Variants in AFAP1 observed in about 807,000 individuals in gnomAD.
AFAP1 encodes the protein actin filament-associated protein 1.
In AFAP1, 75 loss-of-function variants were observed where a neutral mutation model predicts 93.9. The ratio of observed to expected loss-of-function variants is 0.80; its 90% confidence interval spans 0.66 to 0.97. AFAP1 has a LOEUF of 0.97. Ranked by LOEUF, AFAP1 falls within the 50% of genes least tolerant of loss-of-function variation. The pLI is 0.00. For synonymous variants in AFAP1, 517 were observed against 430.7 expected (o/e 1.20, Z -2.48); for missense variants, 1,201 against 1,050.8 (o/e 1.14, Z -1.98).
intron 6 of AFAP1, among the ~76,000 whole-genome samples, chr4:7,824,799 AG>A (rs914528275): frequency 1.3e-5 from 2 of 152,102 alleles, no homozygotes; most frequent in Admixed American, 1.3e-4. Flanking sequence ...ATGGGCACTG[AG>A]GGAATGGGAG....
rs758070529 is a variant in AFAP1 at position 7,870,121 on chromosome 4, C to T, written c.128-1402G>A. 2.6e-5 allele frequency among the ~76,000 whole-genome samples: 4 copies of T among 152,324 alleles called. No homozygotes were observed. In the South Asian group the frequency reaches 8.3e-4, roughly 32 times the overall value. On this transcript the variant is annotated intron_variant, in intron 2 of 17. Coordinates refer to ENST00000420658, the MANE Select transcript of AFAP1 (RefSeq NM_001134647.2). ...ACAACATCCCATGAGGTCAATACTA[C>T]CATTAGCCCTTTTTATACACGGAGG...
intron 11 of AFAP1, chr4:7,788,869 C>A (rs1717568050): frequency 6.6e-6 from 1 of 152,336 alleles, no homozygotes. Flanking sequence ...CACGGGCTTG[C>A]ATCTTCAGTT....
At chr4:7,864,591 G>A (rs1403964512) in intron 3 of AFAP1, among the ~76,000 whole-genome samples, 1 of 152,154 alleles carries the variant, frequency 6.6e-6, no homozygotes, top group African/African-American at 2.4e-5. Flanking sequence ...AAAATACCCT[G>A]AAATCCCTAA....
chr4:7,801,926 A>C (rs1424591710), intron 9 of AFAP1, among the ~76,000 whole-genome samples: 6 of 150,888 alleles, frequency 4.0e-5, no homozygotes, highest in Admixed American at 2.0e-4. Flanking sequence ...AAAAAAAAAA[A>C]AAAAAAAAAA....
At chr4:7,875,847 G>T (rs150393454) in intron 1 of AFAP1, among the ~76,000 whole-genome samples, 1 of 152,200 alleles carries the variant, frequency 6.6e-6, no homozygotes, top group African/African-American at 2.4e-5. Flanking sequence ...AATATTACGA[G>T]TCTACTTATA....
In AFAP1 at chr4:7,928,605, C is replaced by A. The variant is rs186365556; in HGVS notation, c.-3+11051G>T. 1.4e-3 allele frequency among the ~76,000 whole-genome samples: 218 copies of A among 152,314 alleles called. 1 individual carries two copies. Among genetic ancestry groups the A allele is most frequent in the African/African-American group, 5.1e-3 (212 of 41,566 alleles). On this transcript the variant is annotated intron_variant, in intron 1 of 17. Transcript: ENST00000420658. ...GTTTCACCATATTGGCCAGGCTGGT[C>A]TCAAACTCCTGACCTCATGATTCGC... is the stretch of plus-strand genomic sequence containing the variant.
intron 9 of AFAP1, among the ~76,000 whole-genome samples, chr4:7,807,778 A>G (rs2149046467): frequency 6.6e-6 from 1 of 152,326 alleles, no homozygotes; most frequent in South Asian, 2.1e-4. Context: ...ACACTGTGAA[A>G]GCTGCCGAGG....
chr4:7,923,531 T>C (rs2149238831), intron 1 of AFAP1, among the ~76,000 whole-genome samples: 1 of 152,248 alleles, frequency 6.6e-6, no homozygotes, highest in Admixed American at 6.5e-5. Flanking sequence ...CAGGCTGGAG[T>C]ACAGTGGCAC....
At chr4:7,863,075 G>A (rs1458583833) in intron 3 of AFAP1, among the ~76,000 whole-genome samples, 2 of 152,170 alleles carry the variant, frequency 1.3e-5, no homozygotes, top group Non-Finnish European at 2.9e-5. Flanking sequence ...CAAACGAAAT[G>A]CAATCAGTCT....
intron 1 of AFAP1, among the ~76,000 whole-genome samples, chr4:7,903,969 A>T (rs1719259418): frequency 6.7e-6 from 1 of 148,938 alleles, no homozygotes; most frequent in African/African-American, 2.5e-5. Context: ...TTTTCCAGAG[A>T]GTTTTTAAAA....
chr4:7,829,330 A>G (rs1414109020), intron 6 of AFAP1, among the ~76,000 whole-genome samples: 1 of 152,162 alleles, frequency 6.6e-6, no homozygotes, highest in East Asian at 1.9e-4. Context: ...ATCAAGTAAA[A>G]CTTTATTCAA....
chr4:7,890,832 C>T (rs1490885742), intron 1 of AFAP1, among the ~76,000 whole-genome samples: 2 of 152,212 alleles, frequency 1.3e-5, no homozygotes, highest in Admixed American at 1.3e-4. Flanking sequence ...AATCCTCCCA[C>T]TTTCCCGGTG....
intron 1 of AFAP1, among the ~76,000 whole-genome samples, chr4:7,901,362 G>T (rs1719107987): frequency 6.6e-6 from 1 of 152,204 alleles, no homozygotes; most frequent in Admixed American, 6.5e-5. Context: ...TTCCACCGAA[G>T]ATTAAAATAT....
At position 7,760,813 on chromosome 4, in the gene AFAP1, C is replaced by CACCTGACCTGTCCT. The variant is rs1426613419; in HGVS notation, c.*2938_*2951dup. The CACCTGACCTGTCCT allele has an allele frequency of 6.6e-6, 1 of 152,334 alleles. No homozygotes were observed. The highest frequency in any genetic ancestry group is 1.5e-5 in the Non-Finnish European group (1 of 68,088). 9.4% of individuals were successfully genotyped at this position (152,334 alleles called of 1,614,324 possible). Reference sequence around the variant, plus strand: ...TGAGCCCCGCAGGGGTCGGCCCCCTCACCTGACCTGTCCTCCGGCCAGCTC... The same window carrying CACCTGACCTGTCCT: ...TGAGCCCCGCAGGGGTCGGCCCCCTCACCTGACCTGTCCTACCTGACCTGTCCTCCGGCCAGCTC... On this transcript the variant is annotated 3_prime_UTR_variant, in exon 18 of 18. Transcript: ENST00000420658.
chr4:7,915,175 G>A (rs940222597), intron 1 of AFAP1, among the ~76,000 whole-genome samples: 11 of 152,166 alleles, frequency 7.2e-5, no homozygotes, highest in South Asian at 2.1e-4. Flanking sequence ...GCGCCCCCGC[G>A]CCCAGCCAGC....
At chr4:7,870,428 G>T (rs991978425) in intron 2 of AFAP1, among the ~76,000 whole-genome samples, 1 of 152,178 alleles carries the variant, frequency 6.6e-6, no homozygotes, top group Non-Finnish European at 1.5e-5. Flanking sequence ...TGGAGGCCGA[G>T]GCAGGCAGAC....
At chr4:7,867,898 G>A (rs148560594) in intron 3 of AFAP1, among the ~76,000 whole-genome samples, 67 of 152,206 alleles carry the variant, frequency 4.4e-4, no homozygotes, top group Non-Finnish European at 8.8e-4. Flanking sequence ...CCTTCCCACC[G>A]TTCGTATCCT....
chr4:7,889,901 T>C (rs1250560031), intron 1 of AFAP1, among the ~76,000 whole-genome samples: 2 of 148,400 alleles, frequency 1.3e-5, no homozygotes, highest in African/African-American at 2.5e-5. Flanking sequence ...AAAAGAGAGA[T>C]ACTATATTTA....
intron 4 of AFAP1, among the ~76,000 whole-genome samples, chr4:7,847,793 CGG>C (rs10685949): frequency 9.8e-6 from 1 of 102,004 alleles, no homozygotes; most frequent in Non-Finnish European, 2.2e-5. Context: ...CAGGGGTACT[CGG>C]GGTGGGGCAT....
Sources: gnomAD v4.1 joint callset for allele counts (sites outside exome capture counted in the v4.1 genomes callset) on GRCh38, gnomAD v4.1.1 for gene constraint, MANE v1.5 for transcripts, NCBI Gene and HGNC (gene_info 2026-07-23, HGNC 2026-07-21) for gene names.